The following GPRC6A variants were observed in gnomAD, a reference collection of about 807,000 sequenced individuals.
GPRC6A encodes the protein G protein-coupled receptor family C group 6 member A.
Under a neutral mutation model 47.0 loss-of-function variants are expected in GPRC6A, and 54 were observed. The observed-to-expected ratio is 1.15, with a 90% CI of 0.92 to 1.44. The LOEUF is 1.44. GPRC6A is among the 40% of genes most tolerant of loss of function. The pLI is 0.00. For synonymous variants in GPRC6A, 347 were observed against 377.1 expected, an observed-to-expected ratio of 0.92 and a Z score of 0.93; for missense variants, 1,112 against 1,105.5, an observed-to-expected ratio of 1.01 and a Z score of -0.08.
At chr6:116,814,658 T>C (rs1582470345) in intron 1 of GPRC6A, among the ~76,000 whole-genome samples, 1 of 152,162 alleles carries the variant, frequency 6.6e-6, no homozygotes, top group East Asian at 1.9e-4. Flanking sequence ...ATGTAAATGA[T>C]GAGTTCGTGG....
rs749620798 is a variant in GPRC6A at position 116,792,760 on chromosome 6, G to T, written c.2163C>A (p.Leu721=). The change falls in exon 6 of 6, where the codon CTC becomes CTA. Residue 721 remains leucine (L), a synonymous_variant. Coordinates refer to ENST00000310357, the MANE Select transcript of GPRC6A (RefSeq NM_148963.4). ...CTGIQVVICT[L]WLIFAAPTVE... is the part of the protein sequence containing the mutation. ...CAGTAGGTGCTGCAAAGATTAGCCAGAGTGTGCAAATGACAACCTGGATGC... is the reference window on the plus strand; with the variant it reads ...CAGTAGGTGCTGCAAAGATTAGCCATAGTGTGCAAATGACAACCTGGATGC... 1.6e-5 allele frequency: 26 copies of T among 1,613,882 alleles called. No homozygotes were observed. The highest frequency in any genetic ancestry group is 2.0e-5 in the Non-Finnish European group (24 of 1,179,966).
rs1214480799 is a variant in GPRC6A, at chr6:116,795,707, A to T, written c.1672+5T>A. On this transcript the variant is annotated splice_donor_5th_base_variant and intron_variant, in intron 5 of 5. Transcript: ENST00000310357. ...TTCAGGTGTATGTGGAGTGACTGTG[A>T]TTACCTGTCTGATTAGTGTAATGAT... The T allele has an allele frequency of 6.2e-7, 1 of 1,605,564 alleles. No individual in the cohort carries two copies. Among genetic ancestry groups the T allele is most frequent in the East Asian group, 2.2e-5 (1 of 44,726 alleles).
At chr6:116,816,169 A>T in intron 1 of GPRC6A, among the ~76,000 whole-genome samples, 1 of 152,268 alleles carries the variant, frequency 6.6e-6, no homozygotes, top group East Asian at 1.9e-4. Context: ...CCAGTGTCTT[A>T]ACTAATTCTA....
intron 1 of GPRC6A, among the ~76,000 whole-genome samples, chr6:116,818,914 G>A (rs1338709594): frequency 2.0e-4 from 31 of 152,218 alleles, no homozygotes; most frequent in South Asian, 6.2e-4. Context: ...CAGACTGGCA[G>A]ATTGGATAAA....
chr6:116,816,927 G>C (rs1357711561), intron 1 of GPRC6A, among the ~76,000 whole-genome samples: 1 of 152,230 alleles, frequency 6.6e-6, no homozygotes, highest in Non-Finnish European at 1.5e-5. Flanking sequence ...AGCAGTCTGA[G>C]ATCAAACTGC....
chr6:116,810,718 C>G (rs971334001), intron 1 of GPRC6A, among the ~76,000 whole-genome samples: 1 of 150,968 alleles, frequency 6.6e-6, no homozygotes, highest in Non-Finnish European at 1.5e-5. Flanking sequence ...CAATAATATC[C>G]CTCTTTATTA....
At chr6:116,820,848 G>C (rs1773443596) in intron 1 of GPRC6A, among the ~76,000 whole-genome samples, 1 of 151,144 alleles carries the variant, frequency 6.6e-6, no homozygotes, top group African/African-American at 2.4e-5. Context: ...AGTGTTGGAA[G>C]TTCTGGCCAG....
rs1218907861 is a variant in GPRC6A, at chr6:116,800,324, TTTCC to T, written c.1548+256_1548+259del. ...TCTCTCTCCCTTTCTTTCTTTCTTT[TTTCC>T]TTCCTTCCTTCCTTCTTTCCTTCTT... is the stretch of plus-strand genomic sequence containing the variant. On this transcript the variant is annotated intron_variant, in intron 4 of 5. Coordinates refer to ENST00000310357, the MANE Select transcript of GPRC6A (RefSeq NM_148963.4). 5.8e-4 allele frequency among the ~76,000 whole-genome samples: 81 copies of T among 140,672 alleles called. No individual in the cohort carries two copies. The South Asian group carries it at 0.017, about 29-fold the overall frequency. 92.3% of individuals were successfully genotyped at this position (140,672 alleles called of 152,430 possible). A position where few individuals can be genotyped will look rare whatever the true frequency, so the allele number is the denominator to read the frequency against.
chr6:116,796,413 T>C (rs1772490910), intron 4 of GPRC6A, among the ~76,000 whole-genome samples: 1 of 152,220 alleles, frequency 6.6e-6, no homozygotes, highest in African/African-American at 2.4e-5. Flanking sequence ...ATTCAAGTTA[T>C]AATTTGCATG....
rs751882459 is a variant in GPRC6A, at chr6:116,806,548, T to C, written c.1157A>G (p.Tyr386Cys). 3 of 1,613,642 alleles carry C rather than the reference T, an allele frequency of 1.9e-6. No homozygotes were observed. The South Asian group carries it at 3.3e-5, about 18-fold the overall frequency. Residue 386 changes from tyrosine (Y) to cysteine (C), a missense_variant, in exon 3 of 6, where the codon TAC becomes TGC. By Grantham distance (194) the Tyr-to-Cys change is radical. Transcript: ENST00000310357. ...IFNHSQRTLA[Y>C]KANKAIERNF... is the part of the protein sequence containing the mutation. ...CCTTTCTATAGCCTTGTTAGCCTTG[T>C]AGGCCAAAGTCCTTTGAGAATGATT...
intron 1 of GPRC6A, among the ~76,000 whole-genome samples, chr6:116,823,486 C>G (rs1773575293): frequency 6.6e-6 from 1 of 152,122 alleles, no homozygotes; most frequent in Non-Finnish European, 1.5e-5. Flanking sequence ...TTGGTCACAA[C>G]AATTTAACAA....
intron 5 of GPRC6A, among the ~76,000 whole-genome samples, chr6:116,794,606 C>T (rs1360638976): frequency 6.6e-6 from 1 of 152,100 alleles, no homozygotes; most frequent in Non-Finnish European, 1.5e-5. Context: ...TTACATACTC[C>T]TTGGTGTTTT....
In GPRC6A at chr6:116,806,621, A is replaced by G; in HGVS notation, c.1084T>C (p.Ser362Pro). ...KLLHEYAMHL[S>P]ACAYVKDTDL... ...GTGTCCTTGACATATGCGCAGGCAGATAAATGCATGGCATATTCATGTAAG... is the reference window on the plus strand; with the variant it reads ...GTGTCCTTGACATATGCGCAGGCAGGTAAATGCATGGCATATTCATGTAAG... Residue 362 changes from serine to proline, a missense_variant, in exon 3 of 6, where the codon TCT becomes CCT. Ser to Pro is a moderately conservative substitution (Grantham distance 74). Transcript: ENST00000310357. 1 of 1,613,464 alleles carries G rather than the reference A, an allele frequency of 6.2e-7. No homozygotes were observed.
At chr6:116,793,333 C>A (rs967125453) in intron 5 of GPRC6A, 83 bp from the exon 6 acceptor site, 16 of 936,436 alleles carry the variant, frequency 1.7e-5, no homozygotes, top group Non-Finnish European at 2.5e-5. Context: ...GATTCGTCTT[C>A]TTTAATAGTT....
At position 116,806,106 on chromosome 6, in the gene GPRC6A, T is replaced by C. The variant is rs558678704; in HGVS notation, c.1335+264A>G. 2.0e-5 allele frequency among the ~76,000 whole-genome samples: 3 copies of C among 152,130 alleles called. No homozygotes were observed. The East Asian group carries it at 5.8e-4, about 29-fold the overall frequency. ...GATAATTTATATGACTCAAGGAAAA[T>C]AGCAACATCAAAAGAATTTTCATGA... On this transcript the variant is annotated intron_variant, in intron 3 of 5. Coordinates refer to ENST00000310357, the MANE Select transcript of GPRC6A (RefSeq NM_148963.4).
intron 1 of GPRC6A, among the ~76,000 whole-genome samples, chr6:116,813,866 A>C (rs1773115133): frequency 6.6e-6 from 1 of 152,240 alleles, no homozygotes; most frequent in South Asian, 2.1e-4. Flanking sequence ...CCACCTGAGA[A>C]AGGGCTAATA....
At position 116,807,035 on chromosome 6, in the gene GPRC6A, C is replaced by T. The variant is rs149304182; in HGVS notation, c.670G>A (p.Ala224Thr). ...ITTDDDYGRL[A>T]LNTFIIQAEA... ...GCCTGAATTATAAAAGTGTTAAGAGCCAATCGTCCATAGTCATCATCTGTG... is the reference window on the plus strand; with the variant it reads ...GCCTGAATTATAAAAGTGTTAAGAGTCAATCGTCCATAGTCATCATCTGTG... The change falls in exon 3 of 6, where the codon GCT becomes ACT. Residue 224 changes from alanine to threonine, a missense_variant. Physicochemically the swap from Ala to Thr is moderately conservative, Grantham distance 58. Coordinates refer to ENST00000310357, the MANE Select transcript of GPRC6A (RefSeq NM_148963.4). The T allele has an allele frequency of 2.5e-6, 4 of 1,613,754 alleles. No individual in the cohort carries two copies. In the East Asian group the frequency reaches 6.7e-5, roughly 27 times the overall value.
rs1165326631 is a variant in GPRC6A at position 116,800,662 on chromosome 6, C to T, written c.1470G>A (p.Lys490=). The change falls in exon 4 of 6, where the codon AAG becomes AAA. Residue 490 remains lysine (K), a synonymous_variant. Transcript: ENST00000310357. ...KEINGHMTVT[K]MAEYDLQNDV... ...CATTCTGTAGGTCATATTCTGCCAT[C>T]TTAGTGACAGTCATGTGTCCATTGA... 1 of 1,613,272 alleles carries T rather than the reference C, an allele frequency of 6.2e-7. No individual in the cohort carries two copies. Among genetic ancestry groups the T allele is most frequent in the Non-Finnish European group, 8.5e-7 (1 of 1,179,368 alleles).
At chr6:116,815,277 C>T (rs755231952) in intron 1 of GPRC6A, among the ~76,000 whole-genome samples, 35 of 151,968 alleles carry the variant, frequency 2.3e-4, no homozygotes, top group Non-Finnish European at 3.8e-4. Context: ...GAGGTCAGGA[C>T]TTTAAGAGCA....
Sources: gnomAD v4.1 joint callset for allele counts (sites outside exome capture counted in the v4.1 genomes callset) on GRCh38, gnomAD v4.1.1 for gene constraint, MANE v1.5 for transcripts, NCBI Gene and HGNC (gene_info 2026-07-23, HGNC 2026-07-21) for gene names.